STX6: variants seen among roughly 807,000 people sequenced by gnomAD.
STX6 encodes syntaxin-6.
A neutral mutation model predicts 38.0 loss-of-function variants in STX6; 23 were observed. The observed-to-expected ratio is 0.60, with a 90% confidence interval of 0.43 to 0.86. STX6 has a LOEUF of 0.86. Ranked by LOEUF, STX6 falls within the 40% of genes least tolerant of loss-of-function variation. STX6 has a pLI of 0.00. For missense variants in STX6, 274 were observed against 312.9 expected, an observed-to-expected ratio of 0.88 and a Z score of 0.94; for synonymous variants, 123 against 107.5, an observed-to-expected ratio of 1.14 and a Z score of -0.89.
chr1:181,005,161 T>G, intron 2 of STX6, 133 bp downstream of exon 2: 1 of 1,478,502 alleles, frequency 6.8e-7, no homozygotes, highest in Non-Finnish European at 9.0e-7. Flanking sequence ...TTTAAACATG[T>G]CATGGTACAA....
intron 6 of STX6, among the ~76,000 whole-genome samples, chr1:180,986,030 G>A (rs1007152173): frequency 1.3e-5 from 2 of 152,204 alleles, no homozygotes; most frequent in Admixed American, 6.5e-5. Context: ...GCATCTTGGC[G>A]CTGCAGCTGG....
At chr1:181,022,206 C>T (rs1381439599) in intron 1 of STX6, among the ~76,000 whole-genome samples, 1 of 152,058 alleles carries the variant, frequency 6.6e-6, no homozygotes, top group African/African-American at 2.4e-5. Flanking sequence ...GGAGCTCACC[C>T]CCGTCAACGC....
chr1:181,017,582 C>G (rs933536734), intron 1 of STX6, among the ~76,000 whole-genome samples: 1 of 152,074 alleles, frequency 6.6e-6, no homozygotes, highest in African/African-American at 2.4e-5. Context: ...GGTGCAAATT[C>G]TAAAAGGAGG....
At position 180,975,338 on chromosome 1, in the gene STX6, G is replaced by A. The variant is rs1655215959; in HGVS notation, c.*1232C>T. ...ATCCTATATACATGTGCACATTTGA[G>A]GCATTTTAAAAAGTCATCAGAAGGT... On this transcript the variant is annotated 3_prime_UTR_variant, in exon 8 of 8. Coordinates refer to ENST00000258301, the MANE Select transcript of STX6 (RefSeq NM_005819.6). 2 of 152,564 alleles carry A rather than the reference G, an allele frequency of 1.3e-5. No homozygotes were observed. Among genetic ancestry groups the A allele is most frequent in the African/African-American group, 4.8e-5 (2 of 41,416 alleles). 9.5% of individuals were successfully genotyped at this position (152,564 alleles called of 1,614,324 possible).
intron 1 of STX6, among the ~76,000 whole-genome samples, chr1:181,018,071 T>TA (rs1051366811): frequency 1.3e-5 from 2 of 151,740 alleles, no homozygotes; most frequent in African/African-American, 4.8e-5. Flanking sequence ...CTGAAGGATA[T>TA]AAAGAAATAC....
At chr1:180,986,695 G>A (rs1655598413) in intron 6 of STX6, among the ~76,000 whole-genome samples, 1 of 152,116 alleles carries the variant, frequency 6.6e-6, no homozygotes, top group African/African-American at 2.4e-5. Context: ...CTACAGGTGT[G>A]AACCACCATG....
chr1:180,992,217 C>T (rs1280386574), intron 4 of STX6, among the ~76,000 whole-genome samples: 2 of 151,488 alleles, frequency 1.3e-5, no homozygotes, highest in Non-Finnish European at 2.9e-5. Context: ...CTATATTGCT[C>T]AAAAAGAAAG....
At chr1:180,989,487 C>A (rs1364838816) in intron 5 of STX6, 1 of 140,452 alleles carries the variant, frequency 7.1e-6, no homozygotes, top group Non-Finnish European at 1.5e-5. Flanking sequence ...CAGAGTGAGA[C>A]TCCGTCTCAC....
At chr1:181,001,985 C>T (rs964145920) in intron 3 of STX6, among the ~76,000 whole-genome samples, 1 of 152,134 alleles carries the variant, frequency 6.6e-6, no homozygotes, top group Non-Finnish European at 1.5e-5. Context: ...TCAAGACCAG[C>T]CTGAGCAACA....
At chr1:181,012,192 G>A (rs1237499321) in intron 1 of STX6, among the ~76,000 whole-genome samples, 1 of 152,134 alleles carries the variant, frequency 6.6e-6, no homozygotes, top group Non-Finnish European at 1.5e-5. Flanking sequence ...ATCACATCTG[G>A]CAGCATTTCA....
chr1:181,010,176 A>G (rs937520149), intron 1 of STX6, among the ~76,000 whole-genome samples: 1 of 152,194 alleles, frequency 6.6e-6, no homozygotes, highest in Non-Finnish European at 1.5e-5. Context: ...GAATTAGTCA[A>G]TTTCACAGAA....
chr1:180,980,612 T>C (rs1245481912), intron 7 of STX6: 6 of 125,180 alleles, frequency 4.8e-5, no homozygotes, highest in African/African-American at 1.8e-4. Flanking sequence ...TAGAGTGCAG[T>C]GGTGTGATCT....
chr1:181,000,080 G>T (rs935865218), intron 3 of STX6, among the ~76,000 whole-genome samples: 1 of 152,198 alleles, frequency 6.6e-6, no homozygotes, highest in African/African-American at 2.4e-5. Flanking sequence ...AGCTCAGTTA[G>T]GTACTGTTAG....
chr1:181,012,669 A>ATTTTTTTTTT lies in STX6; in HGVS notation c.36-7207_36-7206insAAAAAAAAAA. On this transcript the variant is annotated intron_variant, in intron 1 of 7. Coordinates refer to ENST00000258301, the MANE Select transcript of STX6 (RefSeq NM_005819.6). ...GTCATCTGAGCATTCAGATTCTTCC[A>ATTTTTTTTTT]TTCTTTTTTTTTTTTTTTTTTTGAG... Among the ~76,000 whole-genome samples, 2 of 108,278 alleles carry ATTTTTTTTTT rather than the reference A, an allele frequency of 1.8e-5. 1 individual carries two copies. Among genetic ancestry groups the ATTTTTTTTTT allele is most frequent in the Non-Finnish European group, 4.0e-5 (2 of 50,614 alleles). 71.0% of individuals were successfully genotyped at this position (108,278 alleles called of 152,430 possible). A position where few individuals can be genotyped will look rare whatever the true frequency, so the allele number is the denominator to read the frequency against.
chr1:181,017,962 A>G (rs1187750183), intron 1 of STX6, among the ~76,000 whole-genome samples: 1 of 152,216 alleles, frequency 6.6e-6, no homozygotes, highest in Non-Finnish European at 1.5e-5. Flanking sequence ...GCTTATCACC[A>G]CATTAATTGT....
chr1:180,989,501 A>T (rs1235727464), intron 5 of STX6: 1 of 151,476 alleles, frequency 6.6e-6, no homozygotes, highest in African/African-American at 2.4e-5. Flanking sequence ...GTCTCACAAA[A>T]AAAAAAAAAA....
intron 6 of STX6, among the ~76,000 whole-genome samples, chr1:180,987,214 C>T (rs1655614113): frequency 6.6e-6 from 1 of 152,108 alleles, no homozygotes; most frequent in South Asian, 2.1e-4. Context: ...TCTACACACC[C>T]CACACCACCT....
Position 180,972,974 on chromosome 1 carries a change from C to T in STX6, c.*3596G>A, listed in dbSNP as rs569149519. ...CCTGTCACTGGGGCAGGGGCACTGT[C>T]CTCAGGGGCGGACTTTGCTCAGGGA... is the stretch of plus-strand genomic sequence containing the variant. On this transcript the variant is annotated 3_prime_UTR_variant, in exon 8 of 8. Coordinates refer to ENST00000258301, the MANE Select transcript of STX6 (RefSeq NM_005819.6). 1.1e-5 allele frequency: 2 copies of T among 182,438 alleles called. No homozygotes were observed. Among genetic ancestry groups the T allele is most frequent in the African/African-American group, 4.8e-5 (2 of 42,014 alleles). 11.3% of individuals were successfully genotyped at this position (182,438 alleles called of 1,614,324 possible). A position where few individuals can be genotyped will look rare whatever the true frequency, so the allele number is the denominator to read the frequency against.
intron 7 of STX6, among the ~76,000 whole-genome samples, chr1:180,984,335 C>G (rs983421674): frequency 2.0e-5 from 3 of 152,090 alleles, no homozygotes; most frequent in Non-Finnish European, 2.9e-5. Flanking sequence ...CACCTGAGGT[C>G]AGGAGTTCGA....
Sources: allele counts gnomAD v4.1 joint callset (sites outside exome capture counted in the v4.1 genomes callset), GRCh38; gene constraint gnomAD v4.1.1; transcripts MANE v1.5; gene names NCBI Gene and HGNC (gene_info 2026-07-23, HGNC 2026-07-21).